CA10: variants seen among roughly 807,000 people sequenced by gnomAD.
The protein encoded by CA10 is carbonic anhydrase 10 (inactive), also known as carbonic anhydrase-related protein 10.
CA10 carries 14 observed loss-of-function variants against 44.2 expected under a neutral mutation model. The observed-to-expected ratio is 0.32, with a 90% CI of 0.21 to 0.50. The LOEUF is 0.50. Ranked by LOEUF, CA10 falls within the 20% of genes least tolerant of loss-of-function variation. The pLI, the probability that CA10 is intolerant of heterozygous loss-of-function variation, is 0.99. For synonymous variants in CA10, 159 were observed against 141.6 expected (o/e 1.12, Z -0.87); for missense variants, 350 against 409.7 (o/e 0.85, Z 1.26).
intron 1 of CA10, among the ~76,000 whole-genome samples, chr17:52,135,918 A>G (rs1044315525): frequency 3.3e-5 from 5 of 152,258 alleles, no homozygotes; most frequent in African/African-American, 1.2e-4. Flanking sequence ...AATCATGCTT[A>G]TTATCTGTGC....
At chr17:51,766,783 G>T (rs1328816273) in intron 3 of CA10, among the ~76,000 whole-genome samples, 2 of 152,120 alleles carry the variant, frequency 1.3e-5, no homozygotes, top group African/African-American at 4.8e-5. Flanking sequence ...AGTAACTTGG[G>T]AAAATAATTG....
chr17:52,043,767 G>A (rs765076292), intron 2 of CA10, among the ~76,000 whole-genome samples: 1 of 152,028 alleles, frequency 6.6e-6, no homozygotes, highest in East Asian at 2.0e-4. Context: ...TATTATGAAA[G>A]GATGTTGATT....
intron 2 of CA10, among the ~76,000 whole-genome samples, chr17:51,935,265 A>G (rs1982820824): frequency 6.6e-6 from 1 of 152,144 alleles, no homozygotes. Flanking sequence ...CTTAGTTTCC[A>G]TGGCTATCCT....
At chr17:52,034,098 C>A (rs1358173031) in intron 2 of CA10, among the ~76,000 whole-genome samples, 1 of 152,104 alleles carries the variant, frequency 6.6e-6, no homozygotes, top group East Asian at 1.9e-4. Context: ...TATACAAGTC[C>A]TAGAAATCTA....
chr17:52,036,439 C>T lies in CA10; in HGVS notation c.136+35880G>A, dbSNP rs146985643. Among the ~76,000 whole-genome samples the T allele has an allele frequency of 3.0e-3, 457 of 152,240 alleles. 4 individuals carry two copies. Among genetic ancestry groups the T allele is most frequent in the Middle Eastern group, 6.8e-3 (2 of 294 alleles). On this transcript the variant is annotated intron_variant, in intron 2 of 8. Transcript: ENST00000451037. ...ATAATAGATGATACAGTATGTAAGA[C>T]TCCTGGGAGCATAGGAAACATTGGG...
chr17:51,953,455 G>GTT (rs761590303), intron 2 of CA10, among the ~76,000 whole-genome samples: 64 of 139,830 alleles, frequency 4.6e-4, no homozygotes, highest in East Asian at 1.8e-3. Flanking sequence ...GGATATTTTT[G>GTT]TTTTTTTTTT....
At chr17:51,769,817 G>A (rs1049159241) in intron 3 of CA10, among the ~76,000 whole-genome samples, 2 of 152,174 alleles carry the variant, frequency 1.3e-5, no homozygotes, top group Admixed American at 1.3e-4. Flanking sequence ...GGATATAAGA[G>A]AAGCCAACGT....
At chr17:51,822,981 T>A (rs1199909100) in intron 3 of CA10, among the ~76,000 whole-genome samples, 1 of 152,156 alleles carries the variant, frequency 6.6e-6, no homozygotes, top group East Asian at 1.9e-4. Flanking sequence ...CCCACCCACT[T>A]TTGCTGCTTA....
At chr17:51,661,263 G>GAAATAATTGTTAATGAATGAA (rs1421971008) in intron 4 of CA10, among the ~76,000 whole-genome samples, 1 of 152,172 alleles carries the variant, frequency 6.6e-6, no homozygotes, top group African/African-American at 2.4e-5. Context: ...AAGCAATGCA[G>GAAATAATTGTTAATGAATGAA]GCTGTCTATT....
At chr17:51,782,716 T>C (rs1373938565) in intron 3 of CA10, among the ~76,000 whole-genome samples, 2 of 152,222 alleles carry the variant, frequency 1.3e-5, no homozygotes, top group African/African-American at 4.8e-5. Context: ...TCTCAATGCC[T>C]GTCCTCCACT....
At chr17:52,141,358 A>T (rs1316954326) in intron 1 of CA10, among the ~76,000 whole-genome samples, 1 of 152,188 alleles carries the variant, frequency 6.6e-6, no homozygotes, top group Non-Finnish European at 1.5e-5. Flanking sequence ...GACAGTTCTG[A>T]GGTTCTTGAA....
intron 2 of CA10, among the ~76,000 whole-genome samples, chr17:52,048,034 C>T (rs1308426666): frequency 7.3e-6 from 1 of 137,558 alleles, no homozygotes; most frequent in East Asian, 2.8e-4. Context: ...TCTCCCACAC[C>T]CACAAAAATT....
chr17:51,911,544 G>GAAAC (rs767383826), intron 3 of CA10, among the ~76,000 whole-genome samples: 48 of 152,150 alleles, frequency 3.2e-4, no homozygotes, highest in Non-Finnish European at 6.3e-4. Flanking sequence ...AAGCAGGAAT[G>GAAAC]AAACACTGAG....
chr17:52,016,817 G>T (rs2144145729), intron 2 of CA10, among the ~76,000 whole-genome samples: 1 of 152,246 alleles, frequency 6.6e-6, no homozygotes. Context: ...GGAGGCTGAG[G>T]TGGGAGACTT....
At chr17:51,994,163 AAG>A (rs1985141862) in intron 2 of CA10, among the ~76,000 whole-genome samples, 1 of 152,030 alleles carries the variant, frequency 6.6e-6, no homozygotes. Context: ...CTCCATCAGA[AAG>A]AAAAAGGGCA....
chr17:51,636,311 T>C (rs1388516335), intron 6 of CA10, among the ~76,000 whole-genome samples: 3 of 152,200 alleles, frequency 2.0e-5, no homozygotes, highest in African/African-American at 7.2e-5. Flanking sequence ...CTTTGGGACC[T>C]AGACTCTTAG....
At chr17:51,873,789 G>A (rs551070271) in intron 3 of CA10, among the ~76,000 whole-genome samples, 2 of 152,144 alleles carry the variant, frequency 1.3e-5, no homozygotes, top group Non-Finnish European at 2.9e-5. Flanking sequence ...GAGTCACTCT[G>A]AGTGTCCAGC....
chr17:52,055,254 G>T (rs1205529565), intron 2 of CA10, among the ~76,000 whole-genome samples: 2 of 150,552 alleles, frequency 1.3e-5, no homozygotes, highest in Non-Finnish European at 2.9e-5. Flanking sequence ...TTTATTACCA[G>T]ATGAACTGTC....
chr17:52,043,458 T>TC (rs1228812285), intron 2 of CA10, among the ~76,000 whole-genome samples: 1 of 152,120 alleles, frequency 6.6e-6, no homozygotes, highest in Non-Finnish European at 1.5e-5. Flanking sequence ...TCTAACAGTT[T>TC]CTTGGTGGAG....
Sources: allele counts gnomAD v4.1 joint callset (sites outside exome capture counted in the v4.1 genomes callset), GRCh38; gene constraint gnomAD v4.1.1; transcripts MANE v1.5; gene names NCBI Gene and HGNC (gene_info 2026-07-23, HGNC 2026-07-21).